The following PDZD2 variants were observed in gnomAD, a reference collection of about 807,000 sequenced individuals.
PDZD2 encodes the protein PDZ domain containing 2.
Under a neutral mutation model 220.7 loss-of-function variants are expected in PDZD2, and 90 were observed. The observed-to-expected ratio is 0.41, with a 90% CI of 0.34 to 0.49. PDZD2 has a LOEUF of 0.49. Among genes scored for constraint, PDZD2 ranks in the 20% least tolerant of loss-of-function variants. PDZD2 has a pLI of 0.28. For synonymous variants in PDZD2, 1,375 were observed against 1,450.5 expected (o/e 0.95, Z 1.18); for missense variants, 3,174 against 3,608.5 (o/e 0.88, Z 3.08).
chr5:31,812,204 T>C (rs1755162456), intron 2 of PDZD2, among the ~76,000 whole-genome samples: 1 of 152,004 alleles, frequency 6.6e-6, no homozygotes, highest in Admixed American at 6.6e-5. Context: ...CAGAAAATGG[T>C]TCATGCTCTA....
chr5:32,032,634 G>A (rs1755215721), intron 6 of PDZD2, among the ~76,000 whole-genome samples: 1 of 152,062 alleles, frequency 6.6e-6, no homozygotes, highest in African/African-American at 2.4e-5. Flanking sequence ...CTTTATCCTT[G>A]TAAATTATGT....
At chr5:31,641,007 A>C (rs1411644817) in intron 1 of PDZD2, among the ~76,000 whole-genome samples, 1 of 152,188 alleles carries the variant, frequency 6.6e-6, no homozygotes, top group African/African-American at 2.4e-5. Flanking sequence ...CTATCGCTGA[A>C]ATTGATTTTG....
chr5:31,895,141 G>C (rs1741430123), intron 2 of PDZD2, among the ~76,000 whole-genome samples: 1 of 152,174 alleles, frequency 6.6e-6, no homozygotes, highest in South Asian at 2.1e-4. Flanking sequence ...GCCCTCCTCG[G>C]CCTCCCAAAG....
chr5:31,671,419 A>G (rs1746209737), intron 1 of PDZD2, among the ~76,000 whole-genome samples: 1 of 152,178 alleles, frequency 6.6e-6, no homozygotes, highest in Non-Finnish European at 1.5e-5. Context: ...AGAGCTTTGA[A>G]GGCTTCTTTT....
intron 23 of PDZD2, chr5:32,099,272 T>C (rs1744033731): frequency 6.6e-6 from 1 of 152,396 alleles, no homozygotes; most frequent in Non-Finnish European, 1.5e-5. Context: ...GCCGTGCATC[T>C]TGGCATTCAG....
In PDZD2 at chr5:31,695,794, A is replaced by G. The variant is rs536557074; in HGVS notation, c.-361+56357A>G. On this transcript the variant is annotated intron_variant, in intron 1 of 24. Transcript: ENST00000438447. ...CAGCCTTTGTTCTCACCTGCCTTCT[A>G]TCTTGAGAGCAGAATGTAGCACTTC... 1.2e-4 allele frequency among the ~76,000 whole-genome samples: 18 copies of G among 152,226 alleles called. No homozygotes were observed. In the South Asian group the frequency reaches 2.1e-3, roughly 18 times the overall value.
intron 7 of PDZD2, 78 bp from the exon 8 acceptor site, chr5:32,048,461 A>G (rs1738192738): frequency 8.1e-7 from 1 of 1,229,572 alleles, no homozygotes; most frequent in Non-Finnish European, 1.2e-6. Flanking sequence ...TGTAAATACA[A>G]TGAGTTTATG....
chr5:31,901,134 T>TGGCCGGGCATGGTGGCTC (rs1742054987), intron 2 of PDZD2, among the ~76,000 whole-genome samples: 1 of 152,032 alleles, frequency 6.6e-6, no homozygotes, highest in Non-Finnish European at 1.5e-5. Context: ...ACAGGTGACT[T>TGGCCGGGCATGGTGGCTC]TGGCCGGGCA....
chr5:31,836,895 G>C (rs979329880), intron 2 of PDZD2, among the ~76,000 whole-genome samples: 13 of 152,098 alleles, frequency 8.5e-5, no homozygotes, highest in African/African-American at 3.1e-4. Context: ...GTGGGTGCCT[G>C]TAATCCCAGC....
chr5:31,952,321 C>T (rs2877238), intron 2 of PDZD2, among the ~76,000 whole-genome samples: 27,470 of 152,172 alleles, frequency 0.18, 2,590 homozygotes, highest in South Asian at 0.27. Flanking sequence ...ATGGGAATGT[C>T]TGAATTTGTA....
At chr5:31,816,287 C>CAAAAAAA (rs34233316) in intron 2 of PDZD2, among the ~76,000 whole-genome samples, 17 of 99,134 alleles carry the variant, frequency 1.7e-4, no homozygotes, top group African/African-American at 4.2e-4. Context: ...GACTCCATCT[C>CAAAAAAA]AAAAAAAAAA....
chr5:31,773,712 G>C (rs747923899), intron 1 of PDZD2, among the ~76,000 whole-genome samples: 11 of 152,114 alleles, frequency 7.2e-5, no homozygotes, highest in Admixed American at 5.9e-4. Context: ...CAGAGAGAGG[G>C]AGACAGTCTA....
chr5:31,744,841 C>T (rs555190428), intron 1 of PDZD2, among the ~76,000 whole-genome samples: 9 of 151,974 alleles, frequency 5.9e-5, no homozygotes, highest in Non-Finnish European at 1.0e-4. Flanking sequence ...GAAGCTGAGG[C>T]GGGCGGATCT....
chr5:31,886,335 A>G (rs753596957), intron 2 of PDZD2, among the ~76,000 whole-genome samples: 1 of 152,020 alleles, frequency 6.6e-6, no homozygotes, highest in Non-Finnish European at 1.5e-5. Flanking sequence ...GCTTTGGTTG[A>G]GTTTGCTAGT....
intron 1 of PDZD2, among the ~76,000 whole-genome samples, chr5:31,655,116 T>G (rs897798703): frequency 6.6e-6 from 1 of 152,072 alleles, no homozygotes; most frequent in African/African-American, 2.4e-5. Flanking sequence ...AGCCCATGGC[T>G]TCATATCCCT....
intron 2 of PDZD2, among the ~76,000 whole-genome samples, chr5:31,848,475 G>A (rs1376427342): frequency 1.3e-5 from 2 of 152,304 alleles, no homozygotes; most frequent in East Asian, 1.9e-4. Context: ...GGGGCCTGGC[G>A]CCGTGGCTCA....
At chr5:31,797,625 G>T (rs764290290) in intron 1 of PDZD2, among the ~76,000 whole-genome samples, 1 of 152,098 alleles carries the variant, frequency 6.6e-6, no homozygotes, top group Non-Finnish European at 1.5e-5. Context: ...GAGCCACCGC[G>T]CCCAGCCTTG....
rs746776079 is a variant in PDZD2, at chr5:32,088,059, A to G, written c.4611A>G (p.Leu1537=). 6.2e-7 allele frequency: 1 copy of G among 1,613,952 alleles called. No individual in the cohort carries two copies. The highest frequency in any genetic ancestry group is 8.5e-7 in the Non-Finnish European group (1 of 1,179,826). ...GTTTTCATGAAGACAGCACCTCCCTATCAGGCCTGGGTGACAGCACGGAGC... is the reference window on the plus strand; with the variant it reads ...GTTTTCATGAAGACAGCACCTCCCTGTCAGGCCTGGGTGACAGCACGGAGC... ...FSSFHEDSTS[L]SGLGDSTEPS... Residue 1537 remains leucine, a synonymous_variant, in exon 20 of 25, where the codon CTA becomes CTG. Transcript: ENST00000438447. The surrounding 1 kb of genome is among the most constrained non-coding windows in gnomAD (Gnocchi z 4.6).
chr5:31,834,586 T>C (rs2150274735), intron 2 of PDZD2, among the ~76,000 whole-genome samples: 1 of 152,304 alleles, frequency 6.6e-6, no homozygotes, highest in East Asian at 1.9e-4. Context: ...TTGGTGCTCA[T>C]TCCTGGGGAA....
Sources: gnomAD v4.1 joint callset for allele counts (sites outside exome capture counted in the v4.1 genomes callset) on GRCh38, gnomAD v4.1.1 for gene constraint, Gnocchi (gnomAD v3.1) non-coding constraint, MANE v1.5 for transcripts, NCBI Gene and HGNC (gene_info 2026-07-23, HGNC 2026-07-21) for gene names.